The following LUZP2 variants were observed in gnomAD, a reference collection of about 807,000 sequenced individuals.
The protein encoded by LUZP2 is leucine zipper protein 2.
A neutral mutation model predicts 51.6 loss-of-function variants in LUZP2; 52 were observed. That is an observed-to-expected ratio of 1.01 (90% CI 0.81 to 1.27). The LOEUF is 1.27. Among genes scored for constraint, LUZP2 ranks in the 50% most tolerant of loss-of-function variants. LUZP2 has a pLI of 0.00. For synonymous variants in LUZP2, 154 were observed against 137.3 expected (o/e 1.12, Z -0.85); for missense variants, 436 against 395.4 (o/e 1.10, Z -0.87).
At chr11:24,616,901 T>G (rs1854307475) in intron 1 of LUZP2, among the ~76,000 whole-genome samples, 1 of 152,210 alleles carries the variant, frequency 6.6e-6, no homozygotes, top group Admixed American at 6.5e-5. Flanking sequence ...TTGGTTGAGG[T>G]TTGTTTTATG....
intron 3 of LUZP2, among the ~76,000 whole-genome samples, chr11:24,735,336 A>T (rs1358658270): frequency 6.6e-6 from 1 of 151,896 alleles, no homozygotes; most frequent in African/African-American, 2.4e-5. Context: ...AAACCATACC[A>T]TGCCAGGACT....
intron 9 of LUZP2, among the ~76,000 whole-genome samples, chr11:25,049,593 A>C (rs996574424): frequency 6.6e-6 from 1 of 152,070 alleles, no homozygotes; most frequent in African/African-American, 2.4e-5. Context: ...ATAATCCACT[A>C]TGTATATTAT....
chr11:24,742,103 T>A (rs1859204391), intron 4 of LUZP2, among the ~76,000 whole-genome samples: 1 of 140,634 alleles, frequency 7.1e-6, no homozygotes, highest in Non-Finnish European at 1.5e-5. Context: ...ACTTGTTGAT[T>A]GATGGGCATT....
intron 10 of LUZP2, among the ~76,000 whole-genome samples, chr11:25,052,548 G>A (rs760418457): frequency 3.3e-5 from 5 of 152,120 alleles, no homozygotes; most frequent in Non-Finnish European, 5.9e-5. Context: ...AATTCATCTG[G>A]AAATTTTTAA....
chr11:24,654,178 T>C (rs1855725755), intron 1 of LUZP2, among the ~76,000 whole-genome samples: 2 of 152,156 alleles, frequency 1.3e-5, no homozygotes, highest in Admixed American at 6.5e-5. Flanking sequence ...TGACAATATA[T>C]AGATACATAA....
intron 10 of LUZP2, among the ~76,000 whole-genome samples, chr11:25,068,063 G>C (rs1859047256): frequency 6.6e-6 from 1 of 151,942 alleles, no homozygotes; most frequent in Non-Finnish European, 1.5e-5. Flanking sequence ...ACTATCACAA[G>C]GACAGAAAGT....
intron 4 of LUZP2, among the ~76,000 whole-genome samples, chr11:24,747,055 A>G (rs759756727): frequency 3.1e-4 from 47 of 152,236 alleles, no homozygotes; most frequent in Admixed American, 5.2e-4. Flanking sequence ...TTTCAGGTAA[A>G]TCAGGGATGT....
At chr11:24,997,682 G>T (rs930522135) in intron 9 of LUZP2, among the ~76,000 whole-genome samples, 15 of 152,010 alleles carry the variant, frequency 9.9e-5, no homozygotes, top group Non-Finnish European at 1.6e-4. Context: ...TTTTAGACAT[G>T]AAGTCCTTGC....
chr11:24,601,153 A>G (rs1363287343), intron 1 of LUZP2, among the ~76,000 whole-genome samples: 2 of 152,072 alleles, frequency 1.3e-5, no homozygotes, highest in Non-Finnish European at 2.9e-5. Context: ...TGACTTGAAG[A>G]TGGAGGGGTA....
chr11:25,033,285 A>G (rs889793898), intron 9 of LUZP2, among the ~76,000 whole-genome samples: 1 of 152,198 alleles, frequency 6.6e-6, no homozygotes, highest in African/African-American at 2.4e-5. Context: ...CTTTTTTAGA[A>G]GTATTTATTC....
At chr11:24,958,068 A>G (rs1855263370) in intron 7 of LUZP2, among the ~76,000 whole-genome samples, 1 of 151,066 alleles carries the variant, frequency 6.6e-6, no homozygotes, top group African/African-American at 2.4e-5. Context: ...ATGTCCCTAC[A>G]AAGGACATGA....
chr11:24,527,414 T>C (rs1850840321), intron 1 of LUZP2, among the ~76,000 whole-genome samples: 1 of 148,440 alleles, frequency 6.7e-6, no homozygotes, highest in Admixed American at 6.8e-5. Flanking sequence ...GTTCTAAGAG[T>C]AAATAGTAAA....
chr11:25,076,917 C>T (rs116348421), intron 10 of LUZP2, among the ~76,000 whole-genome samples: 1,656 of 152,118 alleles, frequency 0.011, 32 homozygotes, highest in African/African-American at 0.038. Flanking sequence ...TTGGTGGTCA[C>T]ATTACTTACA....
intron 5 of LUZP2, among the ~76,000 whole-genome samples, chr11:24,786,903 C>T (rs1038251795): frequency 2.6e-5 from 4 of 151,838 alleles, no homozygotes; most frequent in Non-Finnish European, 5.9e-5. Context: ...GCTATCTGTG[C>T]ATTCTTTAGT....
intron 1 of LUZP2, among the ~76,000 whole-genome samples, chr11:24,508,458 G>T (rs758960785): frequency 9.9e-5 from 15 of 152,120 alleles, no homozygotes; most frequent in Non-Finnish European, 1.8e-4. Context: ...TGTGGTAAAA[G>T]AAAAATAATC....
chr11:24,754,571 C>A (rs760550765), intron 4 of LUZP2, among the ~76,000 whole-genome samples: 291 of 152,266 alleles, frequency 1.9e-3, no homozygotes, highest in Non-Finnish European at 3.5e-3. Flanking sequence ...GAGTAACAGG[C>A]ATATTTAGCC....
At chr11:24,542,554 T>C (rs1269937124) in intron 1 of LUZP2, among the ~76,000 whole-genome samples, 26 of 151,836 alleles carry the variant, frequency 1.7e-4, no homozygotes. Flanking sequence ...CTTCCTATCA[T>C]GAGGAGTGTA....
chr11:24,967,393 T>A (rs1359356099), intron 7 of LUZP2, among the ~76,000 whole-genome samples: 4 of 152,010 alleles, frequency 2.6e-5, no homozygotes, highest in African/African-American at 9.7e-5. Flanking sequence ...GTCTTAGTAA[T>A]GTTTTGTAAT....
chr11:24,805,830 C>T (rs1247286347), intron 5 of LUZP2, among the ~76,000 whole-genome samples: 1 of 152,096 alleles, frequency 6.6e-6, no homozygotes, highest in Non-Finnish European at 1.5e-5. Flanking sequence ...GGGAAGGCAG[C>T]CAGTTGAGGA....
Sources: allele counts gnomAD v4.1 joint callset (sites outside exome capture counted in the v4.1 genomes callset), GRCh38; gene constraint gnomAD v4.1.1; transcripts MANE v1.5; gene names NCBI Gene and HGNC (gene_info 2026-07-23, HGNC 2026-07-21).